Variants in C8orf34 observed in about 807,000 individuals in gnomAD.
C8orf34 encodes the protein chromosome 8 open reading frame 34, also known as uncharacterized protein C8orf34.
A neutral mutation model predicts 68.3 loss-of-function variants in C8orf34; 65 were observed. The observed-to-expected ratio is 0.95, with a 90% CI of 0.78 to 1.17. The LOEUF (loss-of-function observed/expected upper bound fraction) is 1.17, where lower values mean the gene tolerates loss of function less well. Among genes scored for constraint, C8orf34 ranks in the 50% most tolerant of loss-of-function variants. C8orf34 has a pLI of 0.00. For synonymous variants in C8orf34, 244 were observed against 241.2 expected, an observed-to-expected ratio of 1.01 and a Z score of -0.11; for missense variants, 664 against 655.4, an observed-to-expected ratio of 1.01 and a Z score of -0.14.
At chr8:68,370,534 A>G (rs1004822265) in intron 1 of C8orf34, among the ~76,000 whole-genome samples, 1 of 152,162 alleles carries the variant, frequency 6.6e-6, no homozygotes, top group Non-Finnish European at 1.5e-5. Flanking sequence ...TTCTTTCATG[A>G]GGGAAATGTG....
At chr8:68,347,826 A>G (rs1263651418) in intron 1 of C8orf34, among the ~76,000 whole-genome samples, 2 of 151,756 alleles carry the variant, frequency 1.3e-5, no homozygotes, top group African/African-American at 2.4e-5. Flanking sequence ...TCTCTTGTAA[A>G]TTTGTTCAAC....
chr8:68,397,039 C>T (rs1186101045), intron 1 of C8orf34, among the ~76,000 whole-genome samples: 2 of 151,918 alleles, frequency 1.3e-5, no homozygotes, highest in African/African-American at 2.4e-5. Context: ...TAGAGTCTCA[C>T]TCTGTTGCTC....
intron 10 of C8orf34, among the ~76,000 whole-genome samples, chr8:68,731,787 T>G (rs1821985923): frequency 6.6e-6 from 1 of 152,250 alleles, no homozygotes; most frequent in South Asian, 2.1e-4. Context: ...TTTTAAAAGT[T>G]TAAGACTTTA....
intron 7 of C8orf34, among the ~76,000 whole-genome samples, chr8:68,604,853 CT>C (rs1456197282): frequency 2.6e-5 from 4 of 151,922 alleles, no homozygotes; most frequent in Admixed American, 1.3e-4. Context: ...GAAAAAGAAG[CT>C]AAACTTAATG....
At chr8:68,361,957 T>C (rs1807020278) in intron 1 of C8orf34, among the ~76,000 whole-genome samples, 1 of 152,200 alleles carries the variant, frequency 6.6e-6, no homozygotes, top group South Asian at 2.1e-4. Context: ...AACTACAATC[T>C]CTATAGTCAG....
chr8:68,575,956 G>GTTT (rs59081528), intron 7 of C8orf34, among the ~76,000 whole-genome samples: 350 of 96,088 alleles, frequency 3.6e-3, no homozygotes, highest in East Asian at 8.3e-3. Context: ...GTAGATGGTT[G>GTTT]TTTTTTTTTT....
At chr8:68,534,180 A>G (rs1188899823) in intron 7 of C8orf34, 2 of 985,274 alleles carry the variant, frequency 2.0e-6, no homozygotes, top group African/African-American at 1.7e-5. Flanking sequence ...CAATGGTGAC[A>G]GGTTTGAAAG....
chr8:68,433,553 G>C (rs139475258), intron 1 of C8orf34, among the ~76,000 whole-genome samples: 1 of 152,316 alleles, frequency 6.6e-6, no homozygotes, highest in East Asian at 1.9e-4. Flanking sequence ...AAGTAAGTTA[G>C]TCCCAAGTCA....
chr8:68,370,313 T>C (rs930612566), intron 1 of C8orf34, among the ~76,000 whole-genome samples: 31 of 152,216 alleles, frequency 2.0e-4, no homozygotes, highest in African/African-American at 7.2e-4. Flanking sequence ...ATTTTGTCTC[T>C]GTTGCCCATG....
At chr8:68,768,998 C>CT (rs1304383016) in intron 10 of C8orf34, among the ~76,000 whole-genome samples, 1 of 151,734 alleles carries the variant, frequency 6.6e-6, no homozygotes, top group Admixed American at 6.6e-5. Flanking sequence ...ATCGTGTGGT[C>CT]TTTTTTGTCT....
chr8:68,574,856 G>C (rs980915743), intron 7 of C8orf34, among the ~76,000 whole-genome samples: 1 of 151,926 alleles, frequency 6.6e-6, no homozygotes, highest in Non-Finnish European at 1.5e-5. Context: ...TTCTGTGCTT[G>C]CTAGGGCTTT....
At chr8:68,386,070 T>C (rs7013597) in intron 1 of C8orf34, among the ~76,000 whole-genome samples, 65,833 of 151,814 alleles carry the variant, frequency 0.43, 14,495 homozygotes, top group Non-Finnish European at 0.48. Flanking sequence ...CCACACTTGG[T>C]TAAGGTTTTG....
chr8:68,695,600 A>G (rs1272424697), intron 8 of C8orf34: 1 of 152,142 alleles, frequency 6.6e-6, no homozygotes, highest in African/African-American at 2.4e-5. Flanking sequence ...CATTTGGAAA[A>G]CAGGTACAGA....
chr8:68,411,746 T>G (rs1354257746), intron 1 of C8orf34, among the ~76,000 whole-genome samples: 1 of 152,230 alleles, frequency 6.6e-6, no homozygotes, highest in Non-Finnish European at 1.5e-5. Context: ...TTACTTTCAA[T>G]AAACCACTAG....
Position 68,795,880 on chromosome 8 carries a change from A to G in C8orf34, c.1549+8344A>G, listed in dbSNP as rs191225924. Among the ~76,000 whole-genome samples, 324 of 152,240 alleles carry G rather than the reference A, an allele frequency of 2.1e-3. 1 individual carries two copies. The highest frequency in any genetic ancestry group is 3.8e-3 in the Non-Finnish European group (260 of 68,000). On this transcript the variant is annotated intron_variant, in intron 12 of 13. Transcript: ENST00000518698. ...CCTTAGACAGCTGTGATGTAACCCT[A>G]CTGTCCCTGATTGTTTTTGACAAAC...
intron 10 of C8orf34, among the ~76,000 whole-genome samples, chr8:68,735,485 CA>C (rs1822098419): frequency 6.6e-6 from 1 of 152,062 alleles, no homozygotes; most frequent in African/African-American, 2.4e-5. Context: ...ATTTTCTTTG[CA>C]AAGACATTTA....
At chr8:68,674,597 G>A (rs1207065718) in intron 8 of C8orf34, among the ~76,000 whole-genome samples, 10 of 151,920 alleles carry the variant, frequency 6.6e-5, no homozygotes, top group Admixed American at 3.9e-4. Flanking sequence ...TTGAAAATAC[G>A]CGGTCAGAGG....
chr8:68,475,666 A>G (rs951009369), intron 4 of C8orf34, among the ~76,000 whole-genome samples: 6 of 152,104 alleles, frequency 3.9e-5, no homozygotes, highest in Admixed American at 3.3e-4. Context: ...AAGCACGTAA[A>G]CAAATAAATA....
intron 7 of C8orf34, among the ~76,000 whole-genome samples, chr8:68,615,849 A>T (rs1445440554): frequency 6.6e-6 from 1 of 151,822 alleles, no homozygotes; most frequent in Non-Finnish European, 1.5e-5. Context: ...TGATTGGAAT[A>T]GTTTCAGAAG....
Sources: gnomAD v4.1 joint callset for allele counts (sites outside exome capture counted in the v4.1 genomes callset) on GRCh38, gnomAD v4.1.1 for gene constraint, MANE v1.5 for transcripts, NCBI Gene and HGNC (gene_info 2026-07-23, HGNC 2026-07-21) for gene names.